The following VCAN variants were observed in gnomAD, a reference collection of about 807,000 sequenced individuals.
VCAN encodes versican core protein.
In VCAN, 44 loss-of-function variants were observed where a neutral mutation model predicts 245.5. The observed-to-expected ratio is 0.18, with a 90% CI of 0.14 to 0.23. VCAN has a LOEUF of 0.23. Among genes scored for constraint, VCAN ranks in the 10% least tolerant of loss-of-function variants. The pLI is 1.00. For synonymous variants in VCAN, 1,413 were observed against 1,437.0 expected, an observed-to-expected ratio of 0.98 and a Z score of 0.38; for missense variants, 3,793 against 4,057.9, an observed-to-expected ratio of 0.93 and a Z score of 1.77.
intron 9 of VCAN, among the ~76,000 whole-genome samples, chr5:83,547,103 G>A (rs1747256545): frequency 6.6e-6 from 1 of 152,134 alleles, no homozygotes; most frequent in Non-Finnish European, 1.5e-5. Flanking sequence ...CTCGATCCAG[G>A]TATGCCTACT....
In VCAN at chr5:83,541,768, C is replaced by G. The variant is rs762919392; in HGVS notation, c.8765C>G (p.Ala2922Gly). The G allele has an allele frequency of 2.4e-5, 38 of 1,614,082 alleles. No homozygotes were observed. The highest frequency in any genetic ancestry group is 3.1e-5 in the Non-Finnish European group (36 of 1,180,004). Residue 2922 changes from alanine (A) to glycine (G), a missense_variant, in exon 8 of 15, where the codon GCT becomes GGT. This residue lies in a region of VCAN where 3,182 missense variants were observed against 3,250.3 expected (regional missense o/e 0.98). Coordinates refer to ENST00000265077, the MANE Select transcript of VCAN (RefSeq NM_004385.5). The part of the protein sequence containing the change: ...EMEASPTELI[A>G]VEGTEILQDF... Reference sequence around the variant, plus strand: ...GAAGCTTCTCCCACAGAACTTATTGCTGTGGAAGGAACTGAGATTCTCCAA... The same window carrying G: ...GAAGCTTCTCCCACAGAACTTATTGGTGTGGAAGGAACTGAGATTCTCCAA...
Position 83,541,117 on chromosome 5 carries a change from A to G in VCAN, c.8114A>G (p.Glu2705Gly). Residue 2705 changes from glutamate to glycine, a missense_variant, in exon 8 of 15, where the codon GAG becomes GGG. Transcript: ENST00000265077. Reference protein sequence around the residue: ...IPRKSATVIPEIEGIKAEAKA... With the variant: ...IPRKSATVIPGIEGIKAEAKA... ...CGTAAGTCTGCCACAGTTATTCCAG[A>G]GATTGAAGGAATAAAAGCTGAAGCA... The G allele has an allele frequency of 6.2e-7, 1 of 1,614,134 alleles. No individual in the cohort carries two copies.
At chr5:83,529,574 T>G (rs57684338) in intron 7 of VCAN, among the ~76,000 whole-genome samples, 7,950 of 152,140 alleles carry the variant, frequency 0.052, 383 homozygotes, top group East Asian at 0.15. Context: ...CATGGATTTT[T>G]GTATCCTCCT....
intron 1 of VCAN, among the ~76,000 whole-genome samples, chr5:83,474,047 G>A (rs1744294480): frequency 6.6e-6 from 1 of 152,108 alleles, no homozygotes; most frequent in Non-Finnish European, 1.5e-5. Flanking sequence ...CACCCTGGGC[G>A]TCTTTAAGAA....
chr5:83,551,511 C>T (rs916858966), intron 10 of VCAN, among the ~76,000 whole-genome samples: 1 of 147,894 alleles, frequency 6.8e-6, no homozygotes, highest in South Asian at 2.1e-4. Flanking sequence ...GACTCCACCA[C>T]AAAAAAAATA....
chr5:83,559,152 C>A (rs1747772697), intron 12 of VCAN, among the ~76,000 whole-genome samples: 3 of 152,138 alleles, frequency 2.0e-5, no homozygotes, highest in Admixed American at 2.0e-4. Context: ...CTCAGTTAAA[C>A]CATCCAAGTT....
intron 5 of VCAN, among the ~76,000 whole-genome samples, chr5:83,511,498 C>T (rs1259564588): frequency 2.6e-5 from 4 of 151,962 alleles, no homozygotes; most frequent in Non-Finnish European, 5.9e-5. Flanking sequence ...GTGCCTGATA[C>T]GGGAAGGCAG....
In VCAN at chr5:83,520,598, A is replaced by C; in HGVS notation, c.2292A>C (p.Arg764Ser). 6.2e-7 allele frequency: 1 copy of C among 1,614,080 alleles called. No individual in the cohort carries two copies. The highest frequency in any genetic ancestry group is 8.5e-7 in the Non-Finnish European group (1 of 1,180,000). ...TKLSAEPTEV[R>S]DMEEDFTATP... ...TAAGTGCAGAGCCAACAGAAGTAAG[A>C]GATATGGAGGAAGACTTTACAGCAA... Residue 764 changes from arginine to serine, a missense_variant, in exon 7 of 15, where the codon AGA (arginine) becomes AGC (serine). Transcript: ENST00000265077.
intron 5 of VCAN, among the ~76,000 whole-genome samples, chr5:83,511,897 C>T (rs557294904): frequency 1.2e-3 from 176 of 152,226 alleles, no homozygotes; most frequent in Non-Finnish European, 1.7e-3. Flanking sequence ...TAAAACTTCT[C>T]GGGTATGTGT....
At chr5:83,566,196 G>A (rs148737970) in intron 12 of VCAN, among the ~76,000 whole-genome samples, 11 of 151,992 alleles carry the variant, frequency 7.2e-5, no homozygotes, top group African/African-American at 2.7e-4. Flanking sequence ...CCCGACCTCA[G>A]GTGATCCAAC....
Position 83,542,070 on chromosome 5 carries a change from G to A in VCAN, c.9067G>A (p.Asp3023Asn). The change falls in exon 8 of 15, where the codon GAT becomes AAT. Residue 3023 changes from aspartate to asparagine, a missense_variant. By Grantham distance (23) the Asp-to-Asn change is conservative. Coordinates refer to ENST00000265077, the MANE Select transcript of VCAN (RefSeq NM_004385.5). Reference protein sequence around the residue: ...ETQAALIRGQDSTIAASEQQV... With the variant: ...ETQAALIRGQNSTIAASEQQV... Reference sequence around the variant, plus strand: ...TCAAGCAGCTTTAATCAGAGGGCAGGATTCCACGATAGCAGCATCAGAACA... The same window carrying A: ...TCAAGCAGCTTTAATCAGAGGGCAGAATTCCACGATAGCAGCATCAGAACA... The A allele has an allele frequency of 1.2e-6, 2 of 1,613,524 alleles. No individual in the cohort carries two copies. Among genetic ancestry groups the A allele is most frequent in the African/African-American group, 2.7e-5 (2 of 75,024 alleles).
In VCAN at chr5:83,520,263, A is replaced by G. The variant is rs1341315281; in HGVS notation, c.1957A>G (p.Ile653Val). The part of the protein sequence containing the change: ...TPFPSQHRTE[I>V]ELFPYSGDKI... ...TTTTCCATCACAGCATCGTACAGAA[A>G]TAGAATTGTTTCCTTATTCTGGTGA... The change falls in exon 7 of 15, where the codon ATA (isoleucine) becomes GTA (valine). Residue 653 changes from isoleucine (I) to valine (V), a missense_variant. By Grantham distance (29) the Ile-to-Val change is conservative. Around this residue, in one of 5 missense-constraint regions of VCAN, gnomAD observed 3,182 missense variants for 3,250.3 expected, o/e 0.98. Coordinates refer to ENST00000265077, the MANE Select transcript of VCAN (RefSeq NM_004385.5). 3 of 1,613,948 alleles carry G rather than the reference A, an allele frequency of 1.9e-6. No homozygotes were observed. The highest frequency in any genetic ancestry group is 1.7e-5 in the Admixed American group (1 of 60,004).
Position 83,537,068 on chromosome 5 carries a change from A to T in VCAN, c.4065A>T (p.Glu1355Asp). ...HPIDSESKEDEPCSEETDPVH... is the reference protein window; with the variant it reads ...HPIDSESKEDDPCSEETDPVH... ...TAGATTCAGAATCTAAAGAAGATGA[A>T]CCTTGTAGTGAAGAAACAGATCCAG... is the stretch of plus-strand genomic sequence containing the variant. Residue 1355 changes from glutamate (E) to aspartate (D), a missense_variant, in exon 8 of 15, where the codon GAA (glutamate) becomes GAT (aspartate). Transcript: ENST00000265077. The T allele has an allele frequency of 6.2e-7, 1 of 1,613,650 alleles. No homozygotes were observed.
intron 2 of VCAN, among the ~76,000 whole-genome samples, chr5:83,487,448 A>T (rs1253480990): frequency 6.6e-6 from 1 of 152,226 alleles, no homozygotes; most frequent in Non-Finnish European, 1.5e-5. Context: ...TTGAATTGTC[A>T]GCATTTCAGA....
intron 1 of VCAN, 115 bp downstream of exon 1, chr5:83,472,138 G>T: frequency 5.6e-6 from 1 of 177,412 alleles, no homozygotes; most frequent in Non-Finnish European, 1.2e-5. Flanking sequence ...TTAAGGCAAA[G>T]AGCTGTAAGG....
At chr5:83,480,206 C>T (rs1744564197) in intron 1 of VCAN, among the ~76,000 whole-genome samples, 1 of 152,146 alleles carries the variant, frequency 6.6e-6, no homozygotes, top group Non-Finnish European at 1.5e-5. Flanking sequence ...CTTACCTAGT[C>T]TTAGGGGTAA....
chr5:83,519,203 G>A, intron 6 of VCAN, 146 bp from the exon 7 acceptor site: 3 of 718,126 alleles, frequency 4.2e-6, no homozygotes, highest in Non-Finnish European at 6.8e-6. Flanking sequence ...TTCAAGTATA[G>A]TTTTAAGACT....
Position 83,545,517 on chromosome 5 carries a change from T to A in VCAN, c.9266-20T>A. On this transcript the variant is annotated intron_variant, in intron 8 of 14. Coordinates refer to ENST00000265077, the MANE Select transcript of VCAN (RefSeq NM_004385.5). The stretch of plus-strand genomic sequence containing the variant: ...TAGAGACGAGCCTAACTGCTTTTCT[T>A]ACTTTCCTGAATATGGTAGGACCTG... 6.2e-7 allele frequency: 1 copy of A among 1,607,322 alleles called. No individual in the cohort carries two copies. The highest frequency in any genetic ancestry group is 8.5e-7 in the Non-Finnish European group (1 of 1,173,818).
chr5:83,499,413 G>A (rs983939771), intron 5 of VCAN, among the ~76,000 whole-genome samples: 26 of 152,108 alleles, frequency 1.7e-4, no homozygotes, highest in African/African-American at 6.0e-4. Flanking sequence ...ATAGTTGGTG[G>A]TAATTATAGT....
Sources: gnomAD v4.1 joint callset for allele counts (sites outside exome capture counted in the v4.1 genomes callset) on GRCh38, gnomAD v4.1.1 for gene constraint, gnomAD v4.1.1 regional missense constraint, MANE v1.5 for transcripts, NCBI Gene and HGNC (gene_info 2026-07-23, HGNC 2026-07-21) for gene names.